BEAN1: variants seen among roughly 807,000 people sequenced by gnomAD.
BEAN1 encodes the protein brain expressed associated with NEDD4 1, also known as protein BEAN1.
Under a neutral mutation model 17.7 loss-of-function variants are expected in BEAN1, and 17 were observed. That is an observed-to-expected ratio of 0.96 (90% CI 0.66 to 1.44). The LOEUF is 1.44. Ranked by LOEUF, BEAN1 falls within the 40% of genes most tolerant of loss-of-function variation. The pLI, the probability that BEAN1 is intolerant of heterozygous loss-of-function variation, is 0.00. For missense variants in BEAN1, 359 were observed against 374.1 expected, an observed-to-expected ratio of 0.96 and a Z score of 0.33; for synonymous variants, 142 against 151.8, an observed-to-expected ratio of 0.94 and a Z score of 0.47.
At position 66,482,441 on chromosome 16, in the gene BEAN1, G is replaced by C. The variant is rs1251665305; in HGVS notation, c.*1516G>C. On this transcript the variant is annotated 3_prime_UTR_variant, in exon 5 of 5. Coordinates refer to ENST00000536005, the MANE Select transcript of BEAN1 (RefSeq NM_001178020.3). ...ATTTCTTCTGGTGCGGAGCTGAAAG[G>C]AATCCACCCAGAAGTTCTGTAGCAT... 1 of 164,924 alleles carries C rather than the reference G, an allele frequency of 6.1e-6. No homozygotes were observed. The highest frequency in any genetic ancestry group is 1.3e-5 in the Non-Finnish European group (1 of 75,470). The allele number at this position is 164,924 out of a possible 1,614,324, so 10.2% of individuals were successfully genotyped here.
At chr16:66,441,270 C>A (rs1962245566) in intron 2 of BEAN1, among the ~76,000 whole-genome samples, 1 of 152,078 alleles carries the variant, frequency 6.6e-6, no homozygotes, top group South Asian at 2.1e-4. Flanking sequence ...GACCAGAGGC[C>A]CTCACACAGG....
intron 4 of BEAN1, among the ~76,000 whole-genome samples, chr16:66,480,349 G>A (rs1053468106): frequency 2.3e-4 from 35 of 152,242 alleles, no homozygotes; most frequent in African/African-American, 7.0e-4. Flanking sequence ...GTGTTCATGC[G>A]TTGAGCTCAC....
In BEAN1 at chr16:66,477,670, G is replaced by A. The variant is rs970008782; in HGVS notation, c.400G>A (p.Ala134Thr). 90 of 1,550,384 alleles carry A rather than the reference G, an allele frequency of 5.8e-5. No homozygotes were observed. The highest frequency in any genetic ancestry group is 7.4e-5 in the Non-Finnish European group (85 of 1,146,500). Residue 134 changes from alanine to threonine, a missense_variant, in exon 4 of 5, where the codon GCC (alanine) becomes ACC (threonine). Physicochemically the swap from Ala to Thr is moderately conservative, Grantham distance 58 (BLOSUM62 0). Coordinates refer to ENST00000536005, the MANE Select transcript of BEAN1 (RefSeq NM_001178020.3). ...LDISSDGDVD[A>T]TVLRELYPDS... ...CATCAGCTCTGACGGGGACGTGGAT[G>A]CCACGGTGCTCAGGGAGCTGTACCC...
chr16:66,430,492 A>C (rs1456325723), intron 1 of BEAN1, among the ~76,000 whole-genome samples: 1 of 152,226 alleles, frequency 6.6e-6, no homozygotes, highest in Non-Finnish European at 1.5e-5. Context: ...GATAATTACC[A>C]CATTGTAATT....
At chr16:66,477,935 C>G in intron 4 of BEAN1, 1 of 447,780 alleles carries the variant, frequency 2.2e-6, no homozygotes, top group South Asian at 4.0e-5. Flanking sequence ...AAGGAAGAGA[C>G]AAGCCCACCT....
At chr16:66,435,693 T>C (rs1287578407) in intron 1 of BEAN1, among the ~76,000 whole-genome samples, 3 of 152,130 alleles carry the variant, frequency 2.0e-5, no homozygotes, top group African/African-American at 4.8e-5. Context: ...TTCACTGTGT[T>C]AGCCAGGATG....
In BEAN1 at chr16:66,434,816, C is replaced by T. The variant is rs942734630; in HGVS notation, c.-82-2779C>T. ...AGGCAGCCTCCACCCCTCAGTCGTG[C>T]GCTTGCATCAGGCTGAGGTTGGCTT... is the stretch of plus-strand genomic sequence containing the variant. On this transcript the variant is annotated intron_variant, in intron 1 of 4. Transcript: ENST00000536005. This position sits in a 1 kb window ranked among gnomAD's most constrained non-coding sequence, Gnocchi z 4.3. 2.0e-5 allele frequency among the ~76,000 whole-genome samples: 3 copies of T among 152,146 alleles called. No individual in the cohort carries two copies. The highest frequency in any genetic ancestry group is 2.4e-5 in the African/African-American group (1 of 41,436).
In BEAN1 at chr16:66,437,589, C is replaced by T. The variant is rs1240731277; in HGVS notation, c.-82-6C>T. On this transcript the variant is annotated splice_region_variant and splice_polypyrimidine_tract_variant and intron_variant, in intron 1 of 4. Coordinates refer to ENST00000536005, the MANE Select transcript of BEAN1 (RefSeq NM_001178020.3). ...CCCCAACACCTGCCTGTTTGTGTCTCCGCAGGTGAGTGGAGGGGCCTTCCC... is the reference window on the plus strand; with the variant it reads ...CCCCAACACCTGCCTGTTTGTGTCTTCGCAGGTGAGTGGAGGGGCCTTCCC... The T allele has an allele frequency of 4.2e-6, 6 of 1,433,138 alleles. No individual in the cohort carries two copies. The allele number at this position is 1,433,138 out of a possible 1,614,324, so 88.8% of individuals were successfully genotyped here.
At chr16:66,437,572 C>A (rs1962076777) in intron 1 of BEAN1, 23 bp from the exon 2 acceptor site, 2 of 1,371,682 alleles carry the variant, frequency 1.5e-6, no homozygotes, top group East Asian at 2.5e-5. Flanking sequence ...CCCCCCAACA[C>A]CTGCCTGTTT....
chr16:66,482,495 C>T lies in BEAN1; in HGVS notation c.*1570C>T, dbSNP rs1237971716. 2.1e-5 allele frequency: 4 copies of T among 190,322 alleles called. No homozygotes were observed. The highest frequency in any genetic ancestry group is 9.6e-5 in the African/African-American group (4 of 41,680). The allele number at this position is 190,322 out of a possible 1,614,324, so 11.8% of individuals were successfully genotyped here. On this transcript the variant is annotated 3_prime_UTR_variant, in exon 5 of 5. Transcript: ENST00000536005. ...GCGTGCAGCCTCCTGGAGCCCCAGACTCCATCTGGGGGAGGGACTTGTTTA... is the reference window on the plus strand; with the variant it reads ...GCGTGCAGCCTCCTGGAGCCCCAGATTCCATCTGGGGGAGGGACTTGTTTA...
chr16:66,470,058 G>C (rs1963418573), intron 3 of BEAN1, 193 bp downstream of exon 3: 2 of 754,776 alleles, frequency 2.6e-6, no homozygotes, highest in Non-Finnish European at 4.2e-6. Context: ...AGGCCCGGAT[G>C]ACTGCTAAGA....
intron 2 of BEAN1, among the ~76,000 whole-genome samples, chr16:66,460,413 G>A (rs1266039390): frequency 6.6e-6 from 1 of 152,204 alleles, no homozygotes; most frequent in African/African-American, 2.4e-5. Flanking sequence ...TTCTTCCTCA[G>A]TAAAATCACC....
At chr16:66,428,395 A>T (rs1961664460) in intron 1 of BEAN1, 1 of 152,190 alleles carries the variant, frequency 6.6e-6, no homozygotes, top group Non-Finnish European at 1.5e-5. Flanking sequence ...ATTTCCGATG[A>T]GCCCCTGCCG....
intron 2 of BEAN1, among the ~76,000 whole-genome samples, chr16:66,465,134 G>GT (rs1963218584): frequency 6.6e-6 from 1 of 152,176 alleles, no homozygotes; most frequent in Non-Finnish European, 1.5e-5. Context: ...ATATTTTTCT[G>GT]TATCTGTTTT....
At chr16:66,491,138 G>C (rs1964171313) in intron 4 of BEAN1, among the ~76,000 whole-genome samples, 1 of 152,192 alleles carries the variant, frequency 6.6e-6, no homozygotes, top group Admixed American at 6.5e-5. Flanking sequence ...GCAGGGGAGG[G>C]CCGGCTCGAT....
chr16:66,445,073 AG>A (rs1962393737), intron 2 of BEAN1, among the ~76,000 whole-genome samples: 1 of 152,226 alleles, frequency 6.6e-6, no homozygotes, highest in African/African-American at 2.4e-5. Flanking sequence ...CCTTGAACAA[AG>A]CAAAGTCCCA....
intron 2 of BEAN1, among the ~76,000 whole-genome samples, chr16:66,458,375 G>A (rs1400000126): frequency 6.6e-6 from 1 of 152,040 alleles, no homozygotes; most frequent in Non-Finnish European, 1.5e-5. Context: ...CCTGACCTAA[G>A]CCACCTGATA....
At chr16:66,459,445 G>C (rs553035302) in intron 2 of BEAN1, among the ~76,000 whole-genome samples, 2 of 151,944 alleles carry the variant, frequency 1.3e-5, no homozygotes, top group Non-Finnish European at 2.9e-5. Context: ...TCAGCTTCCC[G>C]AGTAGCTGGG....
chr16:66,430,399 T>C (rs1181267312), intron 1 of BEAN1, among the ~76,000 whole-genome samples: 2 of 152,224 alleles, frequency 1.3e-5, no homozygotes, highest in Non-Finnish European at 2.9e-5. Flanking sequence ...GCTTGAAACG[T>C]TTAAGGACTA....
Sources: gnomAD v4.1 joint callset for allele counts (sites outside exome capture counted in the v4.1 genomes callset) on GRCh38, gnomAD v4.1.1 for gene constraint, Gnocchi (gnomAD v3.1) non-coding constraint, MANE v1.5 for transcripts, NCBI Gene and HGNC (gene_info 2026-07-23, HGNC 2026-07-21) for gene names.